The following PDS5A variants were observed in gnomAD, a reference collection of about 807,000 sequenced individuals.
PDS5A encodes the protein PDS5 cohesin associated factor A.
A neutral mutation model predicts 167.1 loss-of-function variants in PDS5A; 42 were observed. That is an observed-to-expected ratio of 0.25 (90% CI 0.20 to 0.33). The LOEUF (loss-of-function observed/expected upper bound fraction) is 0.33. Among genes scored for constraint, PDS5A ranks in the 10% least tolerant of loss-of-function variants. The pLI is 1.00. For synonymous variants in PDS5A, 553 were observed against 554.6 expected, an observed-to-expected ratio of 1.00 and a Z score of 0.04; for missense variants, 1,033 against 1,605.9, an observed-to-expected ratio of 0.64 and a Z score of 6.10.
chr4:39,835,163 C>G (rs1716277052), intron 32 of PDS5A, among the ~76,000 whole-genome samples: 2 of 152,110 alleles, frequency 1.3e-5, no homozygotes, highest in South Asian at 4.1e-4. Flanking sequence ...TGATCTTGAA[C>G]TCCTGACCTT....
chr4:39,960,363 T>C (rs551173865), intron 2 of PDS5A, among the ~76,000 whole-genome samples: 11 of 152,270 alleles, frequency 7.2e-5, no homozygotes, highest in African/African-American at 2.6e-4. Flanking sequence ...AAAACAATGA[T>C]ATGTGTATAA....
At chr4:39,895,052 C>T (rs549379465) in intron 16 of PDS5A, among the ~76,000 whole-genome samples, 41 of 151,812 alleles carry the variant, frequency 2.7e-4, no homozygotes, top group Non-Finnish European at 5.3e-4. Flanking sequence ...ATGGTGAAAC[C>T]GCGTCTCTAC....
chr4:39,827,888 G>C (rs564299354), intron 32 of PDS5A, among the ~76,000 whole-genome samples: 1 of 152,250 alleles, frequency 6.6e-6, no homozygotes, highest in Non-Finnish European at 1.5e-5. Flanking sequence ...GGCCTTAAGT[G>C]TAAGCAAAAC....
intron 2 of PDS5A, among the ~76,000 whole-genome samples, chr4:39,951,920 A>AAAAAAAAAAAACC (rs58625322): frequency 6.6e-6 from 1 of 150,928 alleles, no homozygotes; most frequent in East Asian, 2.0e-4. Context: ...AAAAAAAAAA[A>AAAAAAAAAAAACC]TCTGTATCAC....
chr4:39,834,425 A>G (rs564418910), intron 32 of PDS5A, among the ~76,000 whole-genome samples: 4 of 152,338 alleles, frequency 2.6e-5, no homozygotes, highest in African/African-American at 9.6e-5. Context: ...GTCCTCCTCC[A>G]CCATGACAAT....
chr4:39,968,557 T>C (rs1424213237), intron 2 of PDS5A, among the ~76,000 whole-genome samples: 7 of 151,620 alleles, frequency 4.6e-5, no homozygotes, highest in Non-Finnish European at 7.4e-5. Flanking sequence ...CTCAGCCTCC[T>C]GAGTAGCTGA....
At chr4:39,946,250 G>C (rs920500276) in intron 2 of PDS5A, among the ~76,000 whole-genome samples, 4 of 149,620 alleles carry the variant, frequency 2.7e-5, no homozygotes, top group Non-Finnish European at 6.0e-5. Context: ...AAGGAAAAGA[G>C]ATTCAAGCAG....
intron 17 of PDS5A, among the ~76,000 whole-genome samples, chr4:39,885,945 A>C (rs886121106): frequency 1.1e-4 from 16 of 152,150 alleles, no homozygotes; most frequent in Admixed American, 6.5e-5. Context: ...ACAGAGCAAG[A>C]CCTTGTCTCA....
At chr4:39,942,847 A>C (rs1318130029) in intron 2 of PDS5A, among the ~76,000 whole-genome samples, 2 of 152,122 alleles carry the variant, frequency 1.3e-5, no homozygotes. Context: ...CTTCTCAAGA[A>C]GACACTAATC....
intron 2 of PDS5A, 73 bp from the exon 3 acceptor site, chr4:39,928,237 A>T: frequency 3.0e-6 from 3 of 989,486 alleles, no homozygotes; most frequent in Non-Finnish European, 4.5e-6. Context: ...GTGATTTAAA[A>T]AAAAAAAAGT....
intron 10 of PDS5A, among the ~76,000 whole-genome samples, chr4:39,909,040 A>AAAAAT (rs59403675): frequency 0.032 from 3,987 of 126,014 alleles, 110 homozygotes; most frequent in Middle Eastern, 0.062. Flanking sequence ...CCCTGTATCA[A>AAAAAT]AAAATAAAAT....
intron 2 of PDS5A, among the ~76,000 whole-genome samples, chr4:39,975,900 A>T (rs1731038953): frequency 6.6e-6 from 1 of 152,218 alleles, no homozygotes; most frequent in Non-Finnish European, 1.5e-5. Flanking sequence ...GACACCTCAT[A>T]AAAAGGGCCA....
intron 28 of PDS5A, chr4:39,847,148 GAAAA>G (rs926139842): frequency 2.7e-5 from 4 of 149,294 alleles, no homozygotes; most frequent in Admixed American, 6.7e-5. Flanking sequence ...GGTAACAAAA[GAAAA>G]AAAAAATTGT....
intron 2 of PDS5A, among the ~76,000 whole-genome samples, chr4:39,945,078 C>T (rs890425101): frequency 2.0e-5 from 3 of 152,124 alleles, no homozygotes; most frequent in African/African-American, 7.2e-5. Context: ...TTATGTAATA[C>T]AATGATATCT....
chr4:39,969,510 T>C (rs1399473667), intron 2 of PDS5A, among the ~76,000 whole-genome samples: 3 of 152,028 alleles, frequency 2.0e-5, no homozygotes, highest in Non-Finnish European at 4.4e-5. Flanking sequence ...CTACTAAAAA[T>C]ACAAAGTTAG....
Position 39,976,506 on chromosome 4 carries a change from A to C in PDS5A, c.72T>G (p.Ala24=). The change falls in exon 2 of 33, where the codon GCT becomes GCG. Residue 24 remains alanine (A), a synonymous_variant. Transcript: ENST00000303538. The part of the protein sequence containing the change: ...CGVVSADGKI[A]YPPGVKEITD... ...TGATCTCTTTTACCCCCGGAGGGTA[A>C]GCGATCTTCCCGTCGGCACTCACGA... The C allele has an allele frequency of 6.2e-7, 1 of 1,613,574 alleles. No individual in the cohort carries two copies. Among genetic ancestry groups the C allele is most frequent in the African/African-American group, 1.3e-5 (1 of 75,004 alleles).
Position 39,977,458 on chromosome 4 carries a change from T to C in PDS5A, c.-42A>G. 6.6e-6 allele frequency: 1 copy of C among 152,032 alleles called. No homozygotes were observed. The highest frequency in any genetic ancestry group is 1.5e-5 in the Non-Finnish European group (1 of 68,666). The allele number at this position is 152,032 out of a possible 1,614,324, so 9.4% of individuals were successfully genotyped here. Reference sequence around the variant, plus strand: ...GAGCCGAGCCGCCGCCGCCTTTACCTCCTCCTCATGCGGGCGGAAGGTGCA... The same window carrying C: ...GAGCCGAGCCGCCGCCGCCTTTACCCCCTCCTCATGCGGGCGGAAGGTGCA... On this transcript the variant is annotated splice_region_variant and 5_prime_UTR_variant, in exon 1 of 33. Transcript: ENST00000303538. The surrounding 1 kb of genome is among the most constrained non-coding windows in gnomAD (Gnocchi z 4.2).
At chr4:39,872,436 G>C (rs960854819) in intron 21 of PDS5A, among the ~76,000 whole-genome samples, 1 of 151,926 alleles carries the variant, frequency 6.6e-6, no homozygotes, top group South Asian at 2.1e-4. Context: ...AGGCCAAGGC[G>C]GACGGATCAC....
At chr4:39,900,388 T>G (rs1440714804) in intron 14 of PDS5A, 38 bp downstream of exon 14, 1 of 1,273,548 alleles carries the variant, frequency 7.9e-7, no homozygotes, top group Non-Finnish European at 1.1e-6. Context: ...GAACAGTGAC[T>G]ATAATAAACT....
Sources: allele counts gnomAD v4.1 joint callset (sites outside exome capture counted in the v4.1 genomes callset), GRCh38; gene constraint gnomAD v4.1.1; non-coding constraint Gnocchi (gnomAD v3.1); transcripts MANE v1.5; gene names NCBI Gene and HGNC (gene_info 2026-07-23, HGNC 2026-07-21).